PCCA: variants seen among roughly 807,000 people sequenced by gnomAD.
PCCA encodes propionyl-CoA carboxylase alpha chain, mitochondrial.
Under a neutral mutation model 101.3 loss-of-function variants are expected in PCCA, and 74 were observed. The ratio of observed to expected loss-of-function variants is 0.73; its 90% CI spans 0.61 to 0.89. The LOEUF (loss-of-function observed/expected upper bound fraction) is 0.89, where lower values mean the gene tolerates loss of function less well. Among genes scored for constraint, PCCA ranks in the 40% least tolerant of loss-of-function variants. The pLI is 0.00. For missense variants in PCCA, 891 were observed against 907.0 expected (o/e 0.98, Z 0.23); for synonymous variants, 294 against 313.6 (o/e 0.94, Z 0.66).
At chr13:100,123,041 G>C (rs2049564559) in intron 4 of PCCA, among the ~76,000 whole-genome samples, 1 of 152,206 alleles carries the variant, frequency 6.6e-6, no homozygotes, top group South Asian at 2.1e-4. Context: ...TGAGTTTCTA[G>C]TTATACAATG....
At chr13:100,231,410 G>A (rs1263731839) in intron 7 of PCCA, among the ~76,000 whole-genome samples, 2 of 151,980 alleles carry the variant, frequency 1.3e-5, no homozygotes, top group African/African-American at 4.8e-5. Flanking sequence ...AAGATGAACA[G>A]GGGTGGGGCT....
intron 6 of PCCA, among the ~76,000 whole-genome samples, chr13:100,163,241 T>A (rs956537992): frequency 6.6e-6 from 1 of 152,152 alleles, no homozygotes; most frequent in African/African-American, 2.4e-5. Context: ...TAAAACAGAT[T>A]GAAGTGTTAC....
In PCCA at chr13:100,256,014, G is replaced by C. The variant is rs548434886; in HGVS notation, c.638-1581G>C. 3.3e-5 allele frequency among the ~76,000 whole-genome samples: 5 copies of C among 152,124 alleles called. 1 individual carries two copies. In the East Asian group the frequency reaches 9.7e-4, roughly 29 times the overall value. ...CATTCTTCATAGCATCATTTAAATA[G>C]CCCTTTCTTTTTTTTCTTCTTTGGA... On this transcript the variant is annotated intron_variant, in intron 8 of 23. Coordinates refer to ENST00000376285, the MANE Select transcript of PCCA (RefSeq NM_000282.4).
At chr13:100,192,949 A>T (rs2057839381) in intron 6 of PCCA, among the ~76,000 whole-genome samples, 1 of 152,140 alleles carries the variant, frequency 6.6e-6, no homozygotes, top group African/African-American at 2.4e-5. Flanking sequence ...TGTTTGTTCT[A>T]CTAGACTATA....
At chr13:100,284,810 G>A (rs191856593) in intron 12 of PCCA, among the ~76,000 whole-genome samples, 1 of 152,198 alleles carries the variant, frequency 6.6e-6, no homozygotes, top group Non-Finnish European at 1.5e-5. Context: ...TCCCAACTTA[G>A]GTGGACGGTC....
intron 21 of PCCA, among the ~76,000 whole-genome samples, chr13:100,450,587 T>C (rs117818005): frequency 6.6e-6 from 1 of 152,246 alleles, no homozygotes; most frequent in Non-Finnish European, 1.5e-5. Flanking sequence ...TTATTAAGAA[T>C]ATCAGAGGTA....
intron 4 of PCCA, chr13:100,154,475 ACT>A (rs66949564): frequency 0.015 from 2,365 of 157,192 alleles, 122 homozygotes; most frequent in East Asian, 0.12. Flanking sequence ...GTGATATTGA[ACT>A]CTTTCTTTCG....
At chr13:100,182,751 G>T (rs1232741322) in intron 6 of PCCA, among the ~76,000 whole-genome samples, 1 of 152,018 alleles carries the variant, frequency 6.6e-6, no homozygotes, top group Non-Finnish European at 1.5e-5. Context: ...ATATAGACCA[G>T]GGATCCTGAA....
intron 18 of PCCA, among the ~76,000 whole-genome samples, chr13:100,361,203 A>G (rs2074543967): frequency 6.6e-6 from 1 of 152,190 alleles, no homozygotes; most frequent in South Asian, 2.1e-4. Flanking sequence ...TCTGTATCAT[A>G]CTGTAATTCT....
At chr13:100,291,731 A>T (rs1048585931) in intron 12 of PCCA, among the ~76,000 whole-genome samples, 1 of 152,172 alleles carries the variant, frequency 6.6e-6, no homozygotes, top group East Asian at 1.9e-4. Flanking sequence ...GTCTCCTAGC[A>T]TTCTCATCTC....
At chr13:100,427,080 G>C (rs1019691889) in intron 20 of PCCA, among the ~76,000 whole-genome samples, 4 of 152,168 alleles carry the variant, frequency 2.6e-5, no homozygotes, top group African/African-American at 9.7e-5. Context: ...AGCCGGGTGT[G>C]GTGGCGGGCG....
chr13:100,482,627 TC>T (rs1258303511), intron 21 of PCCA, among the ~76,000 whole-genome samples: 6 of 152,212 alleles, frequency 3.9e-5, no homozygotes, highest in African/African-American at 7.2e-5. Context: ...GTTCGCTCGT[TC>T]CCCAAGCTGA....
chr13:100,246,651 GA>G (rs946338475), intron 8 of PCCA, among the ~76,000 whole-genome samples: 115 of 149,176 alleles, frequency 7.7e-4, no homozygotes, highest in African/African-American at 2.1e-3. Flanking sequence ...CTAAATAACT[GA>G]AAAAAAAATA....
chr13:100,516,759 G>GTA (rs1330806476), intron 22 of PCCA, among the ~76,000 whole-genome samples: 1 of 147,458 alleles, frequency 6.8e-6, no homozygotes, highest in Non-Finnish European at 1.5e-5. Context: ...GTGTGTGTGT[G>GTA]TAATGTGTGT....
At chr13:100,526,599 A>G (rs1328530306) in intron 22 of PCCA, among the ~76,000 whole-genome samples, 2 of 152,244 alleles carry the variant, frequency 1.3e-5, no homozygotes, top group Admixed American at 1.3e-4. Context: ...GAATATGGCC[A>G]CAGTGGTGTG....
At chr13:100,321,831 C>T (rs920449812) in intron 16 of PCCA, among the ~76,000 whole-genome samples, 1 of 151,984 alleles carries the variant, frequency 6.6e-6, no homozygotes, top group Non-Finnish European at 1.5e-5. Flanking sequence ...AGATACATAG[C>T]ATCTCTTGAG....
At chr13:100,368,722 G>A in intron 19 of PCCA, 148 bp downstream of exon 19, 1 of 624,430 alleles carries the variant, frequency 1.6e-6, no homozygotes, top group South Asian at 2.0e-5. Context: ...GAATGGAAAT[G>A]GAAATTTTTG....
chr13:100,201,946 G>GT (rs2058539495), intron 6 of PCCA, among the ~76,000 whole-genome samples: 1 of 148,996 alleles, frequency 6.7e-6, no homozygotes, highest in Non-Finnish European at 1.5e-5. Context: ...GCAAACCTCT[G>GT]TTGTATTGGA....
At chr13:100,379,969 A>G (rs541447712) in intron 19 of PCCA, among the ~76,000 whole-genome samples, 3 of 152,298 alleles carry the variant, frequency 2.0e-5, no homozygotes, top group Middle Eastern at 3.4e-3. Context: ...GAAATTGACA[A>G]GCTGATCCTA....
Sources: allele counts gnomAD v4.1 joint callset (sites outside exome capture counted in the v4.1 genomes callset), GRCh38; gene constraint gnomAD v4.1.1; transcripts MANE v1.5; gene names NCBI Gene and HGNC (gene_info 2026-07-23, HGNC 2026-07-21).